Variants in PATJ observed in about 807,000 individuals in gnomAD.
The protein encoded by PATJ is PATJ crumbs cell polarity complex component.
In PATJ, 190 loss-of-function variants were observed where a neutral mutation model predicts 224.9. The ratio of observed to expected loss-of-function variants is 0.84; its 90% CI spans 0.75 to 0.95. PATJ has a LOEUF of 0.95. Among genes scored for constraint, PATJ ranks in the 40% least tolerant of loss-of-function variants. PATJ has a pLI of 0.00. For missense variants in PATJ, 2,121 were observed against 2,270.3 expected (o/e 0.93, Z 1.34); for synonymous variants, 769 against 820.3 (o/e 0.94, Z 1.07).
At chr1:61,995,864 T>C (rs1266906957) in intron 28 of PATJ, among the ~76,000 whole-genome samples, 1 of 152,184 alleles carries the variant, frequency 6.6e-6, no homozygotes, top group East Asian at 1.9e-4. Context: ...ACAGGATTCA[T>C]TTATAATCTT....
chr1:61,809,074 T>C (rs1328560471), intron 14 of PATJ, among the ~76,000 whole-genome samples: 1 of 152,250 alleles, frequency 6.6e-6, no homozygotes, highest in Non-Finnish European at 1.5e-5. Flanking sequence ...GTGTAGGCAG[T>C]AGTTGTTCTT....
chr1:61,794,215 T>A (rs1405508138), intron 9 of PATJ, among the ~76,000 whole-genome samples: 2 of 152,032 alleles, frequency 1.3e-5, no homozygotes, highest in African/African-American at 4.8e-5. Context: ...TTTTTTTTCT[T>A]TAAGAGACAA....
chr1:62,125,254 C>CAAAAAAAAAAAAAAAAAAAAAAAAAAAAA (rs779305398), intron 39 of PATJ, among the ~76,000 whole-genome samples: 1 of 71,416 alleles, frequency 1.4e-5, no homozygotes, highest in African/African-American at 6.0e-5. Flanking sequence ...AAAAAAAAAA[C>CAAAAAAAAAAAAAAAAAAAAAAAAAAAAA]AAAAAAAAAC....
intron 34 of PATJ, among the ~76,000 whole-genome samples, chr1:62,110,920 C>T (rs964684348): frequency 6.6e-6 from 1 of 152,188 alleles, no homozygotes. Flanking sequence ...ATAATGCATA[C>T]TGTGCTTCTG....
rs1222852908 is a variant in PATJ at position 61,797,428 on chromosome 1, G to A, written c.1402G>A (p.Gly468Arg). The A allele has an allele frequency of 3.2e-5, 51 of 1,608,728 alleles. No individual in the cohort carries two copies. Among genetic ancestry groups the A allele is most frequent in the Non-Finnish European group, 4.3e-5 (51 of 1,175,782 alleles). Reference protein sequence around the residue: ...TSPLEPPSDRGTVVEPLKPPA... With the variant: ...TSPLEPPSDRRTVVEPLKPPA... ...TCCACTTGAACCACCTTCAGACAGAGGTGATTAATTTGCCACCCCTCTATC... is the reference window on the plus strand; with the variant it reads ...TCCACTTGAACCACCTTCAGACAGAAGTGATTAATTTGCCACCCCTCTATC... Residue 468 changes from glycine (G) to arginine (R), a missense_variant and splice_region_variant, in exon 11 of 44, where the codon GGA becomes AGA. By Grantham distance (125) the Gly-to-Arg change is moderately radical. Coordinates refer to ENST00000642238, the MANE Select transcript of PATJ (RefSeq NM_001350145.3).
intron 21 of PATJ, among the ~76,000 whole-genome samples, chr1:61,881,206 A>G (rs1668042253): frequency 6.6e-6 from 1 of 152,148 alleles, no homozygotes; most frequent in Non-Finnish European, 1.5e-5. Context: ...GAAAAGCATC[A>G]TGTTTGCAAG....
At chr1:62,091,656 C>T (rs1253233470) in intron 33 of PATJ, among the ~76,000 whole-genome samples, 3 of 152,150 alleles carry the variant, frequency 2.0e-5, no homozygotes, top group Non-Finnish European at 4.4e-5. Context: ...GTGGCTCACA[C>T]CTGTAATCCC....
intron 27 of PATJ, among the ~76,000 whole-genome samples, chr1:61,988,421 T>C (rs915604369): frequency 6.6e-6 from 1 of 152,226 alleles, no homozygotes; most frequent in African/African-American, 2.4e-5. Context: ...ATGTCTTACA[T>C]GTCTCTATTC....
chr1:62,046,167 A>G (rs1299378891), intron 30 of PATJ, among the ~76,000 whole-genome samples: 2 of 142,748 alleles, frequency 1.4e-5, no homozygotes, highest in Non-Finnish European at 3.0e-5. Flanking sequence ...ATGCCACTGC[A>G]CTCCAGCTTG....
rs530617740 is a variant in PATJ, at chr1:61,883,630, C to CTGTGGGACTACAGG, written c.2960-604_2960-603insGGGACTACAGGTGT. On this transcript the variant is annotated intron_variant, in intron 21 of 43. Transcript: ENST00000642238. ...TGTATTTTTGCATGCAACACAACAC[C>CTGTGGGACTACAGG]TGTAGTCCCAGCTACTCAGGAGGCT... Among the ~76,000 whole-genome samples, 100 of 151,948 alleles carry CTGTGGGACTACAGG rather than the reference C, an allele frequency of 6.6e-4. 2 individuals carry two copies. In the South Asian group the frequency reaches 0.02, roughly 30 times the overall value.
At chr1:61,857,588 C>T (rs1168438002) in intron 18 of PATJ, among the ~76,000 whole-genome samples, 2 of 152,200 alleles carry the variant, frequency 1.3e-5, no homozygotes, top group Non-Finnish European at 2.9e-5. Flanking sequence ...TTCTAGAAAC[C>T]TGGGCTCTGC....
intron 30 of PATJ, among the ~76,000 whole-genome samples, chr1:62,047,814 C>G (rs1264613886): frequency 6.6e-6 from 1 of 152,206 alleles, no homozygotes; most frequent in African/African-American, 2.4e-5. Context: ...ATGGTAACTC[C>G]TTGATTATCC....
At chr1:61,969,033 T>G (rs935732172) in intron 27 of PATJ, among the ~76,000 whole-genome samples, 1 of 152,222 alleles carries the variant, frequency 6.6e-6, no homozygotes, top group African/African-American at 2.4e-5. Context: ...CAAAGTTCAT[T>G]CATGTTGTAG....
At chr1:61,935,295 G>T (rs144138464) in intron 27 of PATJ, among the ~76,000 whole-genome samples, 5 of 152,218 alleles carry the variant, frequency 3.3e-5, no homozygotes, top group African/African-American at 9.6e-5. Flanking sequence ...GATATGAATG[G>T]AACCCCACAC....
At chr1:62,093,041 C>T (rs1295339804) in intron 33 of PATJ, among the ~76,000 whole-genome samples, 2 of 152,160 alleles carry the variant, frequency 1.3e-5, no homozygotes, top group Non-Finnish European at 2.9e-5. Context: ...CTGTGCCCAG[C>T]CGAGAGTTAG....
At chr1:62,044,657 G>A (rs1459925654) in intron 30 of PATJ, among the ~76,000 whole-genome samples, 1 of 152,222 alleles carries the variant, frequency 6.6e-6, no homozygotes, top group East Asian at 1.9e-4. Flanking sequence ...AGTACTAACT[G>A]AGATGGAACA....
At chr1:61,945,416 A>G (rs1460005294) in intron 27 of PATJ, among the ~76,000 whole-genome samples, 1 of 151,242 alleles carries the variant, frequency 6.6e-6, no homozygotes, top group African/African-American at 2.4e-5. Context: ...AAAAAAAAGC[A>G]GGGGTTGCAA....
intron 33 of PATJ, among the ~76,000 whole-genome samples, chr1:62,096,225 C>T (rs891614177): frequency 6.6e-6 from 1 of 150,644 alleles, no homozygotes; most frequent in African/African-American, 2.4e-5. Context: ...TTTTTCAACT[C>T]CAGCTGGGAA....
In PATJ at chr1:61,933,711, C is replaced by A. The variant is rs560955780; in HGVS notation, c.3670+5882C>A. Among the ~76,000 whole-genome samples the A allele has an allele frequency of 1.6e-4, 25 of 152,100 alleles. No individual in the cohort carries two copies. The South Asian group carries it at 5.2e-3, about 32-fold the overall frequency. ...GTTAAGAAGATGCCATGTCTTTTTT[C>A]CACTAGCACTTTCAATTTTCTAACC... On this transcript the variant is annotated intron_variant, in intron 27 of 43. Transcript: ENST00000642238.
Sources: allele counts gnomAD v4.1 joint callset (sites outside exome capture counted in the v4.1 genomes callset), GRCh38; gene constraint gnomAD v4.1.1; transcripts MANE v1.5; gene names NCBI Gene and HGNC (gene_info 2026-07-23, HGNC 2026-07-21).